Variants in TRA2A observed in about 807,000 individuals in gnomAD.
TRA2A encodes the protein transformer-2 protein homolog alpha.
TRA2A carries 31 observed loss-of-function variants against 45.7 expected under a neutral mutation model. The observed-to-expected ratio is 0.68, with a 90% CI of 0.51 to 0.92. The LOEUF is 0.92. Ranked by LOEUF, TRA2A falls within the 40% of genes least tolerant of loss-of-function variation. The probability of loss-of-function intolerance (pLI) is 0.00; values close to 1 mark genes in which losing one functional copy is unlikely to be tolerated. For synonymous variants in TRA2A, 132 were observed against 126.2 expected (o/e 1.05, Z -0.31); for missense variants, 304 against 367.5 (o/e 0.83, Z 1.41).
chr7:23,524,547 C>A (rs1415419103), intron 1 of TRA2A, among the ~76,000 whole-genome samples: 1 of 152,114 alleles, frequency 6.6e-6, no homozygotes, highest in Non-Finnish European at 1.5e-5. Flanking sequence ...AAATACCTAA[C>A]CTCCTTTGTT....
intron 1 of TRA2A, among the ~76,000 whole-genome samples, chr7:23,530,400 C>T (rs961797397): frequency 3.3e-5 from 5 of 152,138 alleles, no homozygotes; most frequent in African/African-American, 9.7e-5. Flanking sequence ...CCTAAACTGA[C>T]CTTCTGATTT....
chr7:23,531,587 A>C lies in TRA2A; in HGVS notation c.36+202T>G. On this transcript the variant is annotated intron_variant, in intron 1 of 7. Coordinates refer to ENST00000297071, the MANE Select transcript of TRA2A (RefSeq NM_013293.5). ...AAGTCCAGGTATCAGTCAGCCTCCA[A>C]AAAAGGGGGAGGGGTGTTATCCGTG... 8.2e-6 allele frequency: 5 copies of C among 612,942 alleles called. No individual in the cohort carries two copies. In the South Asian group the frequency reaches 9.9e-5, roughly 12 times the overall value. 38.0% of individuals were successfully genotyped at this position (612,942 alleles called of 1,614,324 possible). A position where few individuals can be genotyped will look rare whatever the true frequency, so the allele number is the denominator to read the frequency against.
intron 4 of TRA2A, among the ~76,000 whole-genome samples, chr7:23,510,180 G>A (rs1467272860): frequency 6.6e-6 from 1 of 152,186 alleles, no homozygotes; most frequent in African/African-American, 2.4e-5. Flanking sequence ...TTCAGCCTGG[G>A]CAACTGAAAA....
chr7:23,513,110 TC>T, intron 3 of TRA2A, 28 bp from the exon 4 acceptor site: 1 of 1,522,220 alleles, frequency 6.6e-7, no homozygotes, highest in Non-Finnish European at 8.9e-7. Flanking sequence ...TATTTAAAAC[TC>T]CAAATTAAAA....
chr7:23,505,829 G>C lies in TRA2A; in HGVS notation c.771-16C>G. ...TGATCGTCTTCTGTAAGAAATGAAA[G>C]ATTACTTAGCATACTATATAATCAC... On this transcript the variant is annotated splice_polypyrimidine_tract_variant and intron_variant, in intron 6 of 7. Coordinates refer to ENST00000297071, the MANE Select transcript of TRA2A (RefSeq NM_013293.5). 3 of 1,468,344 alleles carry C rather than the reference G, an allele frequency of 2.0e-6. No homozygotes were observed. Among genetic ancestry groups the C allele is most frequent in the Non-Finnish European group, 2.8e-6 (3 of 1,090,044 alleles). The allele number at this position is 1,468,344 out of a possible 1,614,324, so 91.0% of individuals were successfully genotyped here.
chr7:23,515,209 C>T lies in TRA2A; in HGVS notation c.336+1154G>A, dbSNP rs968393506. Among the ~76,000 whole-genome samples, 15 of 147,572 alleles carry T rather than the reference C, an allele frequency of 1.0e-4. No individual in the cohort carries two copies. The East Asian group carries it at 2.6e-3, about 26-fold the overall frequency. On this transcript the variant is annotated intron_variant, in intron 3 of 7. Transcript: ENST00000297071. ...TCAATTTATGCTTTTCACTTGAATT[C>T]GTGGAACATATTTCTTTTTTTTTTT...
At chr7:23,508,836 C>A (rs1470232122) in intron 4 of TRA2A, among the ~76,000 whole-genome samples, 2 of 152,098 alleles carry the variant, frequency 1.3e-5, no homozygotes, top group South Asian at 2.1e-4. Flanking sequence ...GTTGCCCAGG[C>A]TGGTCTCTTA....
chr7:23,514,898 G>A (rs1013323247), intron 3 of TRA2A, among the ~76,000 whole-genome samples: 8 of 152,226 alleles, frequency 5.3e-5, no homozygotes, highest in African/African-American at 1.9e-4. Flanking sequence ...GAGAAGCATA[G>A]TACAGCATGC....
Position 23,505,373 on chromosome 7 carries a change from T to C in TRA2A, c.*186A>G. 9.0e-6 allele frequency: 4 copies of C among 442,600 alleles called. No homozygotes were observed. The highest frequency in any genetic ancestry group is 1.6e-5 in the Non-Finnish European group (4 of 249,406). The allele number at this position is 442,600 out of a possible 1,614,324, so 27.4% of individuals were successfully genotyped here. On this transcript the variant is annotated 3_prime_UTR_variant, in exon 8 of 8. Transcript: ENST00000297071. The stretch of plus-strand genomic sequence containing the variant: ...ACTGTTCAAAATGACAACAATTACA[T>C]CTTTTAAGAGTATAATAAAATGGGT...
intron 4 of TRA2A, among the ~76,000 whole-genome samples, chr7:23,508,818 C>A (rs997171732): frequency 2.0e-5 from 3 of 152,012 alleles, no homozygotes; most frequent in African/African-American, 2.4e-5. Flanking sequence ...TTTGTAGAGA[C>A]AAGATCTGTT....
At chr7:23,523,863 A>C (rs149773244) in intron 1 of TRA2A, among the ~76,000 whole-genome samples, 4 of 152,236 alleles carry the variant, frequency 2.6e-5, no homozygotes, top group African/African-American at 9.6e-5. Flanking sequence ...AATCAAACTC[A>C]TAAGAGTATC....
chr7:23,519,711 G>C (rs978852104), intron 2 of TRA2A, among the ~76,000 whole-genome samples: 8 of 151,990 alleles, frequency 5.3e-5, no homozygotes, highest in Non-Finnish European at 1.2e-4. Context: ...AAATTTTTTT[G>C]CACGATTTTA....
At chr7:23,517,688 C>A (rs1340802487) in intron 2 of TRA2A, among the ~76,000 whole-genome samples, 1 of 150,598 alleles carries the variant, frequency 6.6e-6, no homozygotes, top group African/African-American at 2.4e-5. Flanking sequence ...CCGAGGCAGG[C>A]AGATTACGAG....
intron 1 of TRA2A, among the ~76,000 whole-genome samples, chr7:23,525,450 C>T (rs934674168): frequency 2.0e-5 from 3 of 152,076 alleles, no homozygotes; most frequent in Non-Finnish European, 2.9e-5. Context: ...AAATACACTG[C>T]CCGGTTTAAA....
chr7:23,519,730 G>A (rs888268479), intron 2 of TRA2A, among the ~76,000 whole-genome samples: 4 of 152,088 alleles, frequency 2.6e-5, no homozygotes, highest in South Asian at 2.1e-4. Context: ...TACAAAGTGA[G>A]GATATGGAAT....
At chr7:23,526,555 T>C (rs1562801369) in intron 1 of TRA2A, among the ~76,000 whole-genome samples, 2 of 152,112 alleles carry the variant, frequency 1.3e-5, no homozygotes, top group Admixed American at 6.5e-5. Flanking sequence ...TCTTTAGGAG[T>C]TGTAAAAAAC....
chr7:23,513,756 T>C (rs904784653), intron 3 of TRA2A, among the ~76,000 whole-genome samples: 1 of 152,198 alleles, frequency 6.6e-6, no homozygotes, highest in Non-Finnish European at 1.5e-5. Flanking sequence ...GGGTCATTTA[T>C]AATCTGACGT....
At chr7:23,525,226 T>G (rs1391996221) in intron 1 of TRA2A, among the ~76,000 whole-genome samples, 2 of 152,250 alleles carry the variant, frequency 1.3e-5, no homozygotes, top group African/African-American at 4.8e-5. Context: ...TCTCTCTGAC[T>G]CGTCTTCATT....
intron 1 of TRA2A, 45 bp from the exon 2 acceptor site, chr7:23,521,885 G>A: frequency 5.0e-6 from 8 of 1,609,500 alleles, no homozygotes; most frequent in Non-Finnish European, 6.8e-6. Context: ...TCATGTAGAT[G>A]CCTAACACCT....
Sources: allele counts gnomAD v4.1 joint callset (sites outside exome capture counted in the v4.1 genomes callset), GRCh38; gene constraint gnomAD v4.1.1; transcripts MANE v1.5; gene names NCBI Gene and HGNC (gene_info 2026-07-23, HGNC 2026-07-21).